PTPRD: variants seen among roughly 807,000 people sequenced by gnomAD.
PTPRD encodes the protein receptor-type tyrosine-protein phosphatase delta.
A neutral mutation model predicts 214.5 loss-of-function variants in PTPRD; 34 were observed. That is an observed-to-expected ratio of 0.16 (90% confidence interval 0.12 to 0.21). The LOEUF is 0.21. PTPRD is among the 10% of genes least tolerant of loss of function. PTPRD has a pLI of 1.00. For synonymous variants in PTPRD, 1,128 were observed against 845.7 expected (o/e 1.33, Z -5.79); for missense variants, 2,545 against 2,398.7 (o/e 1.06, Z -1.27).
intron 30 of PTPRD, among the ~76,000 whole-genome samples, chr9:8,483,504 G>C (rs527839965): frequency 1.8e-4 from 28 of 152,242 alleles, no homozygotes; most frequent in African/African-American, 6.7e-4. Context: ...TATAATCCTA[G>C]CACTTTGGGA....
chr9:10,347,553 G>T (rs2097108083), intron 2 of PTPRD, among the ~76,000 whole-genome samples: 1 of 151,548 alleles, frequency 6.6e-6, no homozygotes, highest in African/African-American at 2.4e-5. Context: ...TGGGATTACA[G>T]GTGTCTGCCA....
intron 7 of PTPRD, among the ~76,000 whole-genome samples, chr9:9,598,108 C>T (rs780349257): frequency 1.6e-4 from 25 of 151,920 alleles, no homozygotes; most frequent in Non-Finnish European, 3.4e-4. Flanking sequence ...CTACTACTAT[C>T]CCCAACACTC....
intron 30 of PTPRD, among the ~76,000 whole-genome samples, chr9:8,475,791 G>C (rs551477050): frequency 3.9e-4 from 59 of 152,074 alleles, no homozygotes; most frequent in African/African-American, 1.4e-3. Flanking sequence ...CCTATCTCCA[G>C]TGCACGTGCT....
At chr9:9,124,923 G>A (rs1420311308) in intron 10 of PTPRD, among the ~76,000 whole-genome samples, 1 of 152,114 alleles carries the variant, frequency 6.6e-6, no homozygotes, top group African/African-American at 2.4e-5. Flanking sequence ...GAAAATTCCA[G>A]TCACTATTTT....
chr9:9,717,254 C>A (rs2097851676), intron 7 of PTPRD, among the ~76,000 whole-genome samples: 2 of 152,176 alleles, frequency 1.3e-5, no homozygotes, highest in African/African-American at 2.4e-5. Context: ...CTTACTATAG[C>A]CTTGTAGTAT....
chr9:9,166,950 T>C (rs942703223), intron 10 of PTPRD, among the ~76,000 whole-genome samples: 2 of 152,166 alleles, frequency 1.3e-5, no homozygotes, highest in African/African-American at 4.8e-5. Context: ...AACCTCACTT[T>C]GCAATATACG....
At chr9:9,475,344 C>A (rs929620632) in intron 8 of PTPRD, among the ~76,000 whole-genome samples, 2 of 152,158 alleles carry the variant, frequency 1.3e-5, no homozygotes, top group Non-Finnish European at 2.9e-5. Context: ...CATAAACAAC[C>A]TGTATAGCCT....
At chr9:10,434,125 C>T (rs2098701579) in intron 2 of PTPRD, among the ~76,000 whole-genome samples, 1 of 151,834 alleles carries the variant, frequency 6.6e-6, no homozygotes, top group Admixed American at 6.6e-5. Flanking sequence ...AATATGTCTG[C>T]AATGATGGGA....
rs1329008950 is a variant in PTPRD, at chr9:8,420,806, T to C, written c.4086+15786A>G. On this transcript the variant is annotated intron_variant, in intron 35 of 45. Coordinates refer to ENST00000381196, the MANE Select transcript of PTPRD (RefSeq NM_002839.4). ...ATGAATACTACAGATCATTTTTCTT[T>C]TTTTTTTTTTTTAAAAAAAGAAAAT... Among the ~76,000 whole-genome samples, 5 of 115,286 alleles carry C rather than the reference T, an allele frequency of 4.3e-5. No individual in the cohort carries two copies. The East Asian group carries it at 1.9e-3, about 45-fold the overall frequency. 75.6% of individuals were successfully genotyped at this position (115,286 alleles called of 152,430 possible).
intron 35 of PTPRD, among the ~76,000 whole-genome samples, chr9:8,428,149 C>G (rs889095178): frequency 2.0e-5 from 3 of 152,168 alleles, no homozygotes; most frequent in Non-Finnish European, 4.4e-5. Context: ...TACTTAGCAA[C>G]TGTGTCATAA....
chr9:10,368,914 G>C (rs564756504), intron 2 of PTPRD, among the ~76,000 whole-genome samples: 1 of 152,196 alleles, frequency 6.6e-6, no homozygotes, highest in South Asian at 2.1e-4. Flanking sequence ...AGTAGCCAGA[G>C]GATATGATTA....
At chr9:9,955,881 T>G (rs78815352) in intron 4 of PTPRD, among the ~76,000 whole-genome samples, 1,556 of 152,232 alleles carry the variant, frequency 0.01, 30 homozygotes, top group African/African-American at 0.035. Context: ...TTTCCAAAAC[T>G]TAATGTAACT....
At chr9:8,339,080 C>G (rs770178021) in intron 42 of PTPRD, 33 bp from the exon 43 acceptor site, 2 of 1,594,962 alleles carry the variant, frequency 1.3e-6, no homozygotes, top group South Asian at 1.1e-5. Context: ...TTAAACTATG[C>G]AAAGTATAAA....
At chr9:8,593,069 G>C (rs1484028892) in intron 14 of PTPRD, among the ~76,000 whole-genome samples, 1 of 152,198 alleles carries the variant, frequency 6.6e-6, no homozygotes, top group Non-Finnish European at 1.5e-5. Flanking sequence ...GGAAAGGATG[G>C]CTGAGGAGAA....
intron 11 of PTPRD, among the ~76,000 whole-genome samples, chr9:8,751,132 T>C (rs1170344501): frequency 6.6e-6 from 1 of 152,200 alleles, no homozygotes; most frequent in African/African-American, 2.4e-5. Flanking sequence ...CTTTTTAATG[T>C]TTTCAGCTGC....
At chr9:9,911,669 CTT>C (rs2079222495) in intron 5 of PTPRD, among the ~76,000 whole-genome samples, 2 of 152,036 alleles carry the variant, frequency 1.3e-5, no homozygotes, top group South Asian at 2.1e-4. Context: ...TAGATATAAA[CTT>C]TCATAACATT....
At chr9:10,455,247 T>C (rs1402147834) in intron 2 of PTPRD, among the ~76,000 whole-genome samples, 1 of 151,768 alleles carries the variant, frequency 6.6e-6, no homozygotes, top group Non-Finnish European at 1.5e-5. Context: ...TTCATTACTT[T>C]ACGTGAAAGA....
intron 2 of PTPRD, among the ~76,000 whole-genome samples, chr9:10,541,481 A>G (rs960129718): frequency 6.6e-6 from 1 of 152,108 alleles, no homozygotes; most frequent in Non-Finnish European, 1.5e-5. Context: ...ATTATTAAAG[A>G]GTAAAAAATC....
intron 3 of PTPRD, among the ~76,000 whole-genome samples, chr9:10,160,676 T>G (rs1002338374): frequency 6.6e-6 from 1 of 151,988 alleles, no homozygotes; most frequent in East Asian, 1.9e-4. Flanking sequence ...AAAACAAGGA[T>G]ACTCATTTTC....
Sources: gnomAD v4.1 joint callset for allele counts (sites outside exome capture counted in the v4.1 genomes callset) on GRCh38, gnomAD v4.1.1 for gene constraint, MANE v1.5 for transcripts, NCBI Gene and HGNC (gene_info 2026-07-23, HGNC 2026-07-21) for gene names.